CA8: variants seen among roughly 807,000 people sequenced by gnomAD.
CA8 encodes the protein carbonic anhydrase-related protein.
Under a neutral mutation model 41.4 loss-of-function variants are expected in CA8, and 22 were observed. The observed-to-expected ratio is 0.53, with a 90% confidence interval of 0.38 to 0.76. CA8 has a LOEUF of 0.76. CA8 is among the 30% of genes least tolerant of loss of function. The pLI, the probability that CA8 is intolerant of heterozygous loss-of-function variation, is 0.00. For synonymous variants in CA8, 121 were observed against 130.6 expected (o/e 0.93, Z 0.50); for missense variants, 270 against 352.8 (o/e 0.77, Z 1.88).
intron 4 of CA8, among the ~76,000 whole-genome samples, chr8:60,230,372 C>G (rs914963264): frequency 6.6e-5 from 10 of 151,906 alleles, no homozygotes; most frequent in African/African-American, 2.4e-4. Flanking sequence ...GCTCTTATTG[C>G]TCAGGGAAAA....
rs953625252 is a variant in CA8 at position 60,222,637 on chromosome 8, T to G, written c.738+12A>C. On this transcript the variant is annotated intron_variant, in intron 7 of 8. Coordinates refer to ENST00000317995, the MANE Select transcript of CA8 (RefSeq NM_004056.6). ...GAACTTCACTCTGAAAGATTCAAAGTAGCACACTCACCTGTAGCTGGGATA... is the reference window on the plus strand; with the variant it reads ...GAACTTCACTCTGAAAGATTCAAAGGAGCACACTCACCTGTAGCTGGGATA... 1.0e-5 allele frequency: 15 copies of G among 1,458,640 alleles called. No individual in the cohort carries two copies. The highest frequency in any genetic ancestry group is 3.4e-4 in the Middle Eastern group (2 of 5,824). 90.4% of individuals were successfully genotyped at this position (1,458,640 alleles called of 1,614,324 possible). A position where few individuals can be genotyped will look rare whatever the true frequency, so the allele number is the denominator to read the frequency against.
chr8:60,243,371 C>T (rs1473377964), intron 3 of CA8, among the ~76,000 whole-genome samples: 1 of 151,488 alleles, frequency 6.6e-6, no homozygotes, highest in Non-Finnish European at 1.5e-5. Context: ...GAGCCTTTAA[C>T]CTCTCTCCCC....
At chr8:60,259,747 T>C (rs964668007) in intron 3 of CA8, among the ~76,000 whole-genome samples, 1 of 151,868 alleles carries the variant, frequency 6.6e-6, no homozygotes, top group African/African-American at 2.4e-5. Context: ...TTGCTTTTTT[T>C]TTTTTTTGCC....
Position 60,281,351 on chromosome 8 carries a change from T to C in CA8, c.-204A>G, listed in dbSNP as rs1804423767. 2 of 575,264 alleles carry C rather than the reference T, an allele frequency of 3.5e-6. No individual in the cohort carries two copies. The highest frequency in any genetic ancestry group is 3.0e-5 in the East Asian group (1 of 33,608). 35.6% of individuals were successfully genotyped at this position (575,264 alleles called of 1,614,324 possible). A position where few individuals can be genotyped will look rare whatever the true frequency, so the allele number is the denominator to read the frequency against. ...GGACCGAGTGTTCCAGAGACCCGCG[T>C]GGGAAGCGCGTCCGGAGGCCCCAGC... On this transcript the variant is annotated 5_prime_UTR_variant, in exon 1 of 9. Transcript: ENST00000317995.
chr8:60,267,649 A>G (rs1271232728), intron 2 of CA8, among the ~76,000 whole-genome samples: 3 of 152,154 alleles, frequency 2.0e-5, no homozygotes, highest in African/African-American at 7.2e-5. Context: ...CCAGGACAGG[A>G]TCTGGAACTC....
At chr8:60,257,727 G>C (rs1271500409) in intron 3 of CA8, among the ~76,000 whole-genome samples, 2 of 152,196 alleles carry the variant, frequency 1.3e-5, no homozygotes, top group Non-Finnish European at 1.5e-5. Context: ...CTAGCCTACA[G>C]TGACCCGTGA....
rs561738281 is a variant in CA8 at position 60,189,394 on chromosome 8, A to C, written c.*627T>G. The C allele has an allele frequency of 5.3e-5, 8 of 152,286 alleles. No homozygotes were observed. Among genetic ancestry groups the C allele is most frequent in the Admixed American group, 6.5e-5 (1 of 15,268 alleles). 9.4% of individuals were successfully genotyped at this position (152,286 alleles called of 1,614,324 possible). On this transcript the variant is annotated 3_prime_UTR_variant, in exon 9 of 9. Coordinates refer to ENST00000317995, the MANE Select transcript of CA8 (RefSeq NM_004056.6). Reference sequence around the variant, plus strand: ...CAGTTAAATCCTTCAACTATGTAGTAATACCTAAAGTGAGTATTATGTTGC... The same window carrying C: ...CAGTTAAATCCTTCAACTATGTAGTCATACCTAAAGTGAGTATTATGTTGC...
At chr8:60,244,475 T>C (rs542905011) in intron 3 of CA8, among the ~76,000 whole-genome samples, 24 of 152,276 alleles carry the variant, frequency 1.6e-4, no homozygotes, top group Admixed American at 4.6e-4. Context: ...GATTATTATG[T>C]ATTAACTATT....
At chr8:60,201,570 G>T (rs1398277750) in intron 8 of CA8, among the ~76,000 whole-genome samples, 1 of 152,074 alleles carries the variant, frequency 6.6e-6, no homozygotes, top group Non-Finnish European at 1.5e-5. Context: ...GTCTAAAAAT[G>T]CCCCTTAAAA....
At chr8:60,207,887 T>C (rs73243955) in intron 8 of CA8, among the ~76,000 whole-genome samples, 9,746 of 152,108 alleles carry the variant, frequency 0.064, 1,100 homozygotes, top group African/African-American at 0.22. Flanking sequence ...TCCTGAATAG[T>C]TGGGACTACA....
chr8:60,222,804 T>G, intron 6 of CA8, 43 bp from the exon 7 acceptor site: 1 of 1,196,246 alleles, frequency 8.4e-7, no homozygotes. Context: ...GCAAGTGAAT[T>G]AATAACAATC....
intron 3 of CA8, among the ~76,000 whole-genome samples, chr8:60,257,660 A>C (rs2130569744): frequency 6.6e-6 from 1 of 152,210 alleles, no homozygotes. Context: ...CTTCCCCATC[A>C]AGAAAATTTT....
rs75037897 is a variant in CA8, at chr8:60,254,962, A to G, written c.417+10963T>C. On this transcript the variant is annotated intron_variant, in intron 3 of 8. Transcript: ENST00000317995. ...GAACAAACCTGTAGTGAAAGGAAAC[A>G]ACGTTTCCTTTACTGATTCCCAGAG... Among the ~76,000 whole-genome samples the G allele has an allele frequency of 2.5e-3, 381 of 152,280 alleles. 1 individual carries two copies. The highest frequency in any genetic ancestry group is 0.017 in the Middle Eastern group (5 of 294).
At chr8:60,206,859 C>T (rs1162183954) in intron 8 of CA8, among the ~76,000 whole-genome samples, 1 of 152,044 alleles carries the variant, frequency 6.6e-6, no homozygotes, top group Non-Finnish European at 1.5e-5. Context: ...CTCCCAGAAG[C>T]AGTATCTTCA....
intron 3 of CA8, among the ~76,000 whole-genome samples, chr8:60,252,667 G>C (rs1423488230): frequency 6.6e-6 from 1 of 152,144 alleles, no homozygotes; most frequent in Non-Finnish European, 1.5e-5. Context: ...TACAGGTTGA[G>C]CATCCCAAAT....
Position 60,248,028 on chromosome 8 carries a change from TG to T in CA8, c.418-15650del, listed in dbSNP as rs141630242. On this transcript the variant is annotated intron_variant, in intron 3 of 8. Coordinates refer to ENST00000317995, the MANE Select transcript of CA8 (RefSeq NM_004056.6). ...CAGTGCTGTTGAGCTTTTTTTCATA[TG>T]TTTGTTGGTCGCATAAATGTCTTCT... 3.2e-3 allele frequency among the ~76,000 whole-genome samples: 491 copies of T among 152,336 alleles called. 1 individual carries two copies. The highest frequency in any genetic ancestry group is 0.012 in the African/African-American group (481 of 41,592).
chr8:60,204,203 T>C (rs912394795), intron 8 of CA8, among the ~76,000 whole-genome samples: 1 of 152,190 alleles, frequency 6.6e-6, no homozygotes, highest in African/African-American at 2.4e-5. Context: ...CACTTTTGAG[T>C]ATACATGAGG....
At chr8:60,258,174 G>GTCAC (rs1803612349) in intron 3 of CA8, among the ~76,000 whole-genome samples, 1 of 152,116 alleles carries the variant, frequency 6.6e-6, no homozygotes, top group Non-Finnish European at 1.5e-5. Flanking sequence ...CACTGTCATG[G>GTCAC]TACCACGGCA....
chr8:60,264,494 T>G (rs1313993712), intron 3 of CA8, among the ~76,000 whole-genome samples: 2 of 152,226 alleles, frequency 1.3e-5, no homozygotes, highest in Non-Finnish European at 2.9e-5. Context: ...TGATGCATTC[T>G]GGTATGAATT....
Sources: gnomAD v4.1 joint callset for allele counts (sites outside exome capture counted in the v4.1 genomes callset) on GRCh38, gnomAD v4.1.1 for gene constraint, MANE v1.5 for transcripts, NCBI Gene and HGNC (gene_info 2026-07-23, HGNC 2026-07-21) for gene names.